CD96: variants seen among roughly 807,000 people sequenced by gnomAD.
CD96 encodes the protein CD96 molecule.
A neutral mutation model predicts 71.3 loss-of-function variants in CD96; 70 were observed. The ratio of observed to expected loss-of-function variants is 0.98; its 90% confidence interval spans 0.81 to 1.20. The LOEUF is 1.20. CD96 is among the 50% of genes most tolerant of loss of function. The pLI, the probability that CD96 is intolerant of heterozygous loss-of-function variation, is 0.00. For synonymous variants in CD96, 248 were observed against 233.0 expected, an observed-to-expected ratio of 1.06 and a Z score of -0.59; for missense variants, 742 against 677.5, an observed-to-expected ratio of 1.10 and a Z score of -1.06.
At chr3:111,578,789 G>A (rs1936337137) in intron 3 of CD96, among the ~76,000 whole-genome samples, 1 of 152,220 alleles carries the variant, frequency 6.6e-6, no homozygotes, top group Admixed American at 6.5e-5. Flanking sequence ...TTATGAAGGA[G>A]AAGCTCTAGT....
At chr3:111,545,531 T>C (rs1934352528) in intron 2 of CD96, 129 bp downstream of exon 2, 1 of 717,940 alleles carries the variant, frequency 1.4e-6, no homozygotes, top group African/African-American at 1.7e-5. Flanking sequence ...AGCTACTGTC[T>C]GATAAGAGAG....
chr3:111,559,898 TG>T (rs1366105621), intron 2 of CD96, among the ~76,000 whole-genome samples: 1 of 44,274 alleles, frequency 2.3e-5, no homozygotes, highest in Non-Finnish European at 5.1e-5. Flanking sequence ...GCTCCTGTAT[TG>T]GGTGCATATA....
chr3:111,575,499 C>T (rs1936181763), intron 3 of CD96, among the ~76,000 whole-genome samples: 1 of 152,196 alleles, frequency 6.6e-6, no homozygotes, highest in Admixed American at 6.5e-5. Context: ...TGTTCATGGC[C>T]ATTGTGTCCC....
intron 8 of CD96, chr3:111,607,147 G>A: frequency 1.6e-5 from 4 of 251,124 alleles, no homozygotes; most frequent in South Asian, 5.1e-5. Flanking sequence ...TTAAAGCCCT[G>A]GGAAAATCAA....
chr3:111,618,734 C>T (rs1020872136), intron 8 of CD96, among the ~76,000 whole-genome samples: 1 of 151,878 alleles, frequency 6.6e-6, no homozygotes, highest in Admixed American at 6.6e-5. Context: ...ACATGTCCAG[C>T]TAATTTTTTG....
Position 111,606,739 on chromosome 3 carries a change from C to T in CD96, c.1127C>T (p.Thr376Ile), listed in dbSNP as rs754218290. Residue 376 changes from threonine (T) to isoleucine (I), a missense_variant, in exon 8 of 14, where the codon ACA (threonine) becomes ATA (isoleucine). Thr to Ile is a moderately conservative substitution (Grantham distance 89). Transcript: ENST00000352690. ...ISSTDPPLSV[T>I]ESTLDTQPSP... ...TCAACAGACCCTCCACTGAGTGTTA[C>T]AGAATCTACCCTTGACACCCAACCT... 3 of 1,607,300 alleles carry T rather than the reference C, an allele frequency of 1.9e-6. No homozygotes were observed. Among genetic ancestry groups the T allele is most frequent in the African/African-American group, 2.7e-5 (2 of 74,754 alleles).
At chr3:111,594,421 A>G (rs1208512909) in intron 5 of CD96, 9 of 500,038 alleles carry the variant, frequency 1.8e-5, no homozygotes, top group Non-Finnish European at 3.2e-5. Context: ...ACAGCCCAAG[A>G]GTGCATTCCT....
Position 111,567,605 on chromosome 3 carries a change from C to T in CD96, c.501C>T (p.Ser167=), listed in dbSNP as rs1425401179. The T allele has an allele frequency of 6.2e-7, 1 of 1,612,140 alleles. No homozygotes were observed. The highest frequency in any genetic ancestry group is 8.5e-7 in the Non-Finnish European group (1 of 1,178,336). The change falls in exon 3 of 14, where the codon AGC becomes AGT. Residue 167 remains serine (S), a synonymous_variant. Transcript: ENST00000352690. Reference sequence around the variant, plus strand: ...TGGAAATACCATGCTTTCAAAATAGCTCCTCAAAAATTTCATCTGAGTTCA... The same window carrying T: ...TGGAAATACCATGCTTTCAAAATAGTTCCTCAAAAATTTCATCTGAGTTCA... The part of the protein sequence containing the change: ...QTLEIPCFQN[S]SSKISSEFTY...
chr3:111,630,275 TAAG>T (rs761059351), intron 10 of CD96, among the ~76,000 whole-genome samples: 2 of 151,794 alleles, frequency 1.3e-5, no homozygotes, highest in Non-Finnish European at 2.9e-5. Flanking sequence ...GCTAGACTAA[TAAG>T]AAGAAAAGCG....
chr3:111,646,277 A>C (rs1939823073), intron 12 of CD96, among the ~76,000 whole-genome samples: 2 of 152,182 alleles, frequency 1.3e-5, no homozygotes, highest in Admixed American at 1.3e-4. Context: ...CTATCCAGTC[A>C]TCTAATAGAA....
chr3:111,640,194 C>T (rs576133652), intron 12 of CD96, among the ~76,000 whole-genome samples: 1 of 152,052 alleles, frequency 6.6e-6, no homozygotes, highest in South Asian at 2.1e-4. Context: ...CAGAGAGGGA[C>T]CAGAGAAAGG....
At chr3:111,570,202 GA>G (rs1935912797) in intron 3 of CD96, among the ~76,000 whole-genome samples, 4 of 152,196 alleles carry the variant, frequency 2.6e-5, no homozygotes, top group Middle Eastern at 3.2e-3. Flanking sequence ...CTGCTGCCTG[GA>G]GGGCTCAGGT....
At chr3:111,656,360 C>T (rs976506828), downstream of CD96, among the ~76,000 whole-genome samples, 5 of 152,090 alleles carry the variant, frequency 3.3e-5, no homozygotes, top group South Asian at 2.1e-4. Context: ...CAATATTGTC[C>T]GTTATCAAGG....
In CD96 at chr3:111,624,279, T is replaced by C; in HGVS notation, c.1250-54T>C. The C allele has an allele frequency of 2.5e-6, 3 of 1,224,154 alleles. No homozygotes were observed. The South Asian group carries it at 3.6e-5, about 15-fold the overall frequency. 75.8% of individuals were successfully genotyped at this position (1,224,154 alleles called of 1,614,324 possible). On this transcript the variant is annotated intron_variant, in intron 9 of 13. Transcript: ENST00000352690. ...AAAAATTCTGTGCATCAAAGCAAAG[T>C]TAAATTACAGCTTTCGAAAAAAGCT... is the stretch of plus-strand genomic sequence containing the variant.
In CD96 at chr3:111,567,654, G is replaced by A. The variant is rs1935783698; in HGVS notation, c.543+7G>A. 6.2e-7 allele frequency: 1 copy of A among 1,612,664 alleles called. No individual in the cohort carries two copies. On this transcript the variant is annotated splice_region_variant and intron_variant, in intron 3 of 13. Transcript: ENST00000352690. The stretch of plus-strand genomic sequence containing the variant: ...CACCTATGCATGGTCGGTGGTAAGT[G>A]TTGCCCTTTTCAGTGAATAACCTCA...
intron 3 of CD96, among the ~76,000 whole-genome samples, chr3:111,573,416 A>C (rs1281718934): frequency 6.6e-6 from 1 of 152,228 alleles, no homozygotes; most frequent in African/African-American, 2.4e-5. Flanking sequence ...TGGGGAAAAT[A>C]GTTCAATTCC....
At chr3:111,596,048 G>A (rs1046821181) in intron 5 of CD96, among the ~76,000 whole-genome samples, 1 of 152,038 alleles carries the variant, frequency 6.6e-6, no homozygotes, top group Non-Finnish European at 1.5e-5. Context: ...TGTAATCCCA[G>A]CTACTTGGGA....
intron 3 of CD96, among the ~76,000 whole-genome samples, chr3:111,569,526 C>A (rs964740083): frequency 6.6e-6 from 1 of 152,156 alleles, no homozygotes; most frequent in Non-Finnish European, 1.5e-5. Flanking sequence ...CTATACTAAA[C>A]CTTTTAGTAA....
intron 8 of CD96, among the ~76,000 whole-genome samples, chr3:111,618,595 T>C (rs1285729067): frequency 1.3e-5 from 2 of 150,060 alleles, no homozygotes; most frequent in Admixed American, 6.6e-5. Flanking sequence ...TTTTTTTTTT[T>C]TTTTTTTGAG....
Sources: allele counts gnomAD v4.1 joint callset (sites outside exome capture counted in the v4.1 genomes callset), GRCh38; gene constraint gnomAD v4.1.1; transcripts MANE v1.5; gene names NCBI Gene and HGNC (gene_info 2026-07-23, HGNC 2026-07-21).